Variants in ZMYM4 observed in about 807,000 individuals in gnomAD.
ZMYM4 encodes zinc finger MYM-type protein 4.
Under a neutral mutation model 183.2 loss-of-function variants are expected in ZMYM4, and 31 were observed. That is an observed-to-expected ratio of 0.17 (90% CI 0.13 to 0.23). The LOEUF (loss-of-function observed/expected upper bound fraction) is 0.23. ZMYM4 is among the 10% of genes least tolerant of loss of function. The probability of loss-of-function intolerance (pLI) is 1.00; values close to 1 mark genes in which losing one functional copy is unlikely to be tolerated. For synonymous variants in ZMYM4, 592 were observed against 631.2 expected, an observed-to-expected ratio of 0.94 and a Z score of 0.93; for missense variants, 1,273 against 1,840.3, an observed-to-expected ratio of 0.69 and a Z score of 5.64.
At chr1:35,321,849 T>A (rs753503697) in intron 1 of ZMYM4, among the ~76,000 whole-genome samples, 3 of 152,026 alleles carry the variant, frequency 2.0e-5, no homozygotes, top group Non-Finnish European at 4.4e-5. Flanking sequence ...TTTAACCTAG[T>A]GATCTTTTTT....
At chr1:35,271,054 C>A (rs994624583) in intron 1 of ZMYM4, among the ~76,000 whole-genome samples, 2 of 152,096 alleles carry the variant, frequency 1.3e-5, no homozygotes, top group African/African-American at 4.8e-5. Flanking sequence ...TTAAAATTTT[C>A]AAGTTGTGTT....
At chr1:35,328,926 C>G (rs1159522410) in intron 2 of ZMYM4, among the ~76,000 whole-genome samples, 1 of 152,092 alleles carries the variant, frequency 6.6e-6, no homozygotes, top group Non-Finnish European at 1.5e-5. Context: ...CTCAAAATGT[C>G]TGGTGTAGCA....
Position 35,282,980 on chromosome 1 carries a change from G to GTTTTTT in ZMYM4, c.39+13926_39+13931dup. Among the ~76,000 whole-genome samples, 57 of 26,258 alleles carry GTTTTTT rather than the reference G, an allele frequency of 2.2e-3. 26 individuals are homozygous for GTTTTTT. The highest frequency in any genetic ancestry group is 5.2e-3 in the Non-Finnish European group (45 of 8,634). 17.2% of individuals were successfully genotyped at this position (26,258 alleles called of 152,430 possible). A position where few individuals can be genotyped will look rare whatever the true frequency, so the allele number is the denominator to read the frequency against. On this transcript the variant is annotated intron_variant, in intron 1 of 29. Transcript: ENST00000314607. ...ATACTTGTTGTTTTCTGTGTGTGTGGTTTTTTTTTTTTTTTTTTTTTTTTT... is the reference window on the plus strand; with the variant it reads ...ATACTTGTTGTTTTCTGTGTGTGTGGTTTTTTTTTTTTTTTTTTTTTTTTTTTTTTT...
Position 35,393,625 on chromosome 1 carries a change from C to T in ZMYM4, c.2797C>T (p.Pro933Ser). Residue 933 changes from proline to serine, a missense_variant, in exon 18 of 30, where the codon CCA becomes TCA. By Grantham distance (74) the Pro-to-Ser change is moderately conservative. Transcript: ENST00000314607. Reference protein sequence around the residue: ...ASTQTDALKLPPSQPPRLLKN... With the variant: ...ASTQTDALKLSPSQPPRLLKN... Reference sequence around the variant, plus strand: ...TACTCAAACAGATGCCCTGAAACTGCCACCTTCCCAACCTCCAAGGCTTTT... The same window carrying T: ...TACTCAAACAGATGCCCTGAAACTGTCACCTTCCCAACCTCCAAGGCTTTT... 1 of 1,610,202 alleles carries T rather than the reference C, an allele frequency of 6.2e-7. No homozygotes were observed. The highest frequency in any genetic ancestry group is 8.5e-7 in the Non-Finnish European group (1 of 1,177,664).
intron 26 of ZMYM4, 80 bp from the exon 27 acceptor site, chr1:35,413,892 C>T (rs1309121326): frequency 1.2e-6 from 1 of 829,082 alleles, no homozygotes; most frequent in African/African-American, 1.8e-5. Context: ...TAAGGGTAAA[C>T]TGTATTTCTT....
intron 1 of ZMYM4, among the ~76,000 whole-genome samples, chr1:35,282,795 A>T (rs914092426): frequency 1.3e-5 from 2 of 152,100 alleles, no homozygotes; most frequent in African/African-American, 4.8e-5. Context: ...AGCTCAAGCG[A>T]TGCACCTGCC....
At chr1:35,330,101 G>A (rs973956545) in intron 2 of ZMYM4, among the ~76,000 whole-genome samples, 1 of 152,012 alleles carries the variant, frequency 6.6e-6, no homozygotes, top group Non-Finnish European at 1.5e-5. Flanking sequence ...TGTAGTCCCA[G>A]CTGCTTGGGA....
intron 28 of ZMYM4, among the ~76,000 whole-genome samples, chr1:35,416,109 G>T (rs1181348607): frequency 1.3e-5 from 2 of 152,084 alleles, no homozygotes; most frequent in African/African-American, 2.4e-5. Flanking sequence ...TTTGACCAGA[G>T]CCCCTCTTTT....
At chr1:35,306,593 A>G (rs923833972) in intron 1 of ZMYM4, among the ~76,000 whole-genome samples, 2 of 152,160 alleles carry the variant, frequency 1.3e-5, no homozygotes, top group Non-Finnish European at 2.9e-5. Flanking sequence ...TAAATTCTTT[A>G]ATCACATTAT....
rs562820735 is a variant in ZMYM4 at position 35,325,546 on chromosome 1, C to T, written c.85+141C>T. On this transcript the variant is annotated intron_variant, in intron 2 of 29. Coordinates refer to ENST00000314607, the MANE Select transcript of ZMYM4 (RefSeq NM_005095.3). ...ATCTGATTTAGTCTAGATCTCATCA[C>T]GTACTGTTCTTTCAGCAGGTTAATC... 2.1e-4 allele frequency: 127 copies of T among 615,136 alleles called. No homozygotes were observed. In the African/African-American group the frequency reaches 2.2e-3, roughly 11 times the overall value. The allele number at this position is 615,136 out of a possible 1,614,324, so 38.1% of individuals were successfully genotyped here. A position where few individuals can be genotyped will look rare whatever the true frequency, so the allele number is the denominator to read the frequency against.
chr1:35,361,358 A>T, intron 4 of ZMYM4, 103 bp downstream of exon 4: 1 of 940,290 alleles, frequency 1.1e-6, no homozygotes. Context: ...TAGAGCACTG[A>T]TTTTTTTTTT....
At chr1:35,328,454 ATTTTTTTTT>A (rs754078160) in intron 2 of ZMYM4, among the ~76,000 whole-genome samples, 10 of 117,090 alleles carry the variant, frequency 8.5e-5, no homozygotes, top group African/African-American at 2.1e-4. Flanking sequence ...TAATTTTTTA[ATTTTTTTTT>A]TTTTTTTTTT....
At chr1:35,342,681 T>C (rs1643246132) in intron 2 of ZMYM4, among the ~76,000 whole-genome samples, 1 of 151,980 alleles carries the variant, frequency 6.6e-6, no homozygotes, top group Non-Finnish European at 1.5e-5. Context: ...GTTGTTGTTG[T>C]TGTTGTTGAG....
At chr1:35,294,747 T>C (rs1200745378) in intron 1 of ZMYM4, among the ~76,000 whole-genome samples, 4 of 152,090 alleles carry the variant, frequency 2.6e-5, no homozygotes, top group Non-Finnish European at 5.9e-5. Flanking sequence ...TGAAAGAAAA[T>C]GTAGGTAAAT....
chr1:35,296,737 A>AAATAGTCAG (rs1196303616), intron 1 of ZMYM4, among the ~76,000 whole-genome samples: 1 of 152,216 alleles, frequency 6.6e-6, no homozygotes, highest in East Asian at 1.9e-4. Context: ...TGGAAGTTTG[A>AAATAGTCAG]AATAGTCAGT....
At chr1:35,327,840 A>G (rs900791233) in intron 2 of ZMYM4, among the ~76,000 whole-genome samples, 1 of 152,130 alleles carries the variant, frequency 6.6e-6, no homozygotes, top group Non-Finnish European at 1.5e-5. Flanking sequence ...CTAAATTTCA[A>G]GTTGTTTGGA....
chr1:35,343,486 A>G (rs764026756), intron 2 of ZMYM4, among the ~76,000 whole-genome samples: 5 of 151,992 alleles, frequency 3.3e-5, no homozygotes, highest in Non-Finnish European at 1.5e-5. Flanking sequence ...TTTTGAGTCT[A>G]TTTTTGGACT....
rs1166032570 is a variant in ZMYM4 at position 35,386,169 on chromosome 1, A to T, written c.1816A>T (p.Ser606Cys). The part of the protein sequence containing the change: ...DGSIRNFCSY[S>C]CVVAFQNLFN... ...AAGTATACGCAACTTCTGCAGCTAC[A>T]GCTGTGTGGTAGCTTTCCAGGTATG... is the stretch of plus-strand genomic sequence containing the variant. The change falls in exon 11 of 30, where the codon AGC (serine) becomes TGC (cysteine). Residue 606 changes from serine (S) to cysteine (C), a missense_variant. This residue lies in a region of ZMYM4 where 319 missense variants were observed against 518.1 expected (regional missense o/e 0.62). Transcript: ENST00000314607. The T allele has an allele frequency of 6.2e-7, 1 of 1,613,468 alleles. No individual in the cohort carries two copies. Among genetic ancestry groups the T allele is most frequent in the Non-Finnish European group, 8.5e-7 (1 of 1,179,722 alleles).
chr1:35,327,429 G>T (rs1238238778), intron 2 of ZMYM4, among the ~76,000 whole-genome samples: 2 of 152,088 alleles, frequency 1.3e-5, no homozygotes, highest in Non-Finnish European at 2.9e-5. Flanking sequence ...TTGTCAACTA[G>T]AGTTCTTGAA....
Sources: gnomAD v4.1 joint callset for allele counts (sites outside exome capture counted in the v4.1 genomes callset) on GRCh38, gnomAD v4.1.1 for gene constraint, gnomAD v4.1.1 regional missense constraint, MANE v1.5 for transcripts, NCBI Gene and HGNC (gene_info 2026-07-23, HGNC 2026-07-21) for gene names.